Variants in KCNA7 observed in about 807,000 individuals in gnomAD.
KCNA7 encodes potassium voltage-gated channel subfamily A member 7, also known as potassium channel, voltage gated shaker related subfamily A, member 7.
KCNA7 carries 15 observed loss-of-function variants against 21.5 expected under a neutral mutation model. The ratio of observed to expected loss-of-function variants is 0.70; its 90% CI spans 0.47 to 1.07. The LOEUF is 1.07. Among genes scored for constraint, KCNA7 ranks in the 50% least tolerant of loss-of-function variants. The probability of loss-of-function intolerance (pLI) is 0.00; values close to 1 mark genes in which losing one functional copy is unlikely to be tolerated. For missense variants in KCNA7, 640 were observed against 651.6 expected, an observed-to-expected ratio of 0.98 and a Z score of 0.19; for synonymous variants, 298 against 291.0, an observed-to-expected ratio of 1.02 and a Z score of -0.24.
Position 49,072,457 on chromosome 19 carries a change from C to A in KCNA7, c.129G>T (p.Ala43=). ...RFPDTLLGDP[A]RRGRFYDDAR... ...CGTCGTCGTAGAAGCGGCCGCGGCG[C>A]GCTGGGTCCCCTAGCAGAGTGTCCG... is the stretch of plus-strand genomic sequence containing the variant. The change falls in exon 1 of 2, where the codon GCG becomes GCT. Residue 43 remains alanine, a synonymous_variant. Coordinates refer to ENST00000221444, the MANE Select transcript of KCNA7 (RefSeq NM_031886.3). 3 of 1,571,294 alleles carry A rather than the reference C, an allele frequency of 1.9e-6. No homozygotes were observed. Among genetic ancestry groups the A allele is most frequent in the Non-Finnish European group, 2.6e-6 (3 of 1,168,152 alleles).
In KCNA7 at chr19:49,072,148, G is replaced by A. The variant is rs781342550; in HGVS notation, c.438C>T (p.Ala146=). 7.4e-6 allele frequency: 12 copies of A among 1,612,178 alleles called. No individual in the cohort carries two copies. Among genetic ancestry groups the A allele is most frequent in the African/African-American group, 1.3e-5 (1 of 74,912 alleles). ...CGAGGATGACCAGCACGGAGACTAC[G>A]GCGAGCACGCGCGCGGCCTGAGAGC... ...PESSQAARVL[A]VVSVLVILVS... The change falls in exon 1 of 2, where the codon GCC becomes GCT. Residue 146 remains alanine (A), a synonymous_variant. Transcript: ENST00000221444.
rs748837026 is a variant in KCNA7, at chr19:49,070,731, C to T, written c.703G>A (p.Ala235Thr). The change falls in exon 2 of 2, where the codon GCT becomes ACT. Residue 235 changes from alanine (A) to threonine (T), a missense_variant. Physicochemically the swap from Ala to Thr is moderately conservative, Grantham distance 58. Transcript: ENST00000221444. The surrounding 1 kb of genome is among the most constrained non-coding windows in gnomAD (Gnocchi z 4.3). ...TTCATCACGTTCTTGAAGAAGATAG[C>T]CTTGCTTGGACAGACCAGGAGGCGT... Reference protein sequence around the residue: ...LVRLLVCPSKAIFFKNVMNLI... With the variant: ...LVRLLVCPSKTIFFKNVMNLI... 2.5e-6 allele frequency: 4 copies of T among 1,614,032 alleles called. No individual in the cohort carries two copies. In the African/African-American group the frequency reaches 5.3e-5, roughly 22 times the overall value.
At position 49,070,704 on chromosome 19, in the gene KCNA7, G is replaced by T; in HGVS notation, c.730C>A (p.Leu244Ile). The change falls in exon 2 of 2, where the codon CTC (leucine) becomes ATC (isoleucine). Residue 244 changes from leucine to isoleucine, a missense_variant. Transcript: ENST00000221444. This position sits in a 1 kb window ranked among gnomAD's most constrained non-coding sequence, Gnocchi z 4.3. ...KAIFFKNVMN[L>I]IDFVAILPYF... The stretch of plus-strand genomic sequence containing the variant: ...GGAAGGATAGCCACAAAATCGATGA[G>T]GTTCATCACGTTCTTGAAGAAGATA... 1 of 1,614,192 alleles carries T rather than the reference G, an allele frequency of 6.2e-7. No individual in the cohort carries two copies.
chr19:49,070,785 T>A lies in KCNA7; in HGVS notation c.649A>T (p.Ile217Phe), dbSNP rs2040251745. 3.1e-6 allele frequency: 5 copies of A among 1,613,930 alleles called. No homozygotes were observed. The East Asian group carries it at 1.1e-4, about 36-fold the overall frequency. Residue 217 changes from isoleucine to phenylalanine, a missense_variant, in exon 2 of 2, where the codon ATT becomes TTT. By Grantham distance (21) the Ile-to-Phe change is conservative. Transcript: ENST00000221444. The surrounding 1 kb of genome is among the most constrained non-coding windows in gnomAD (Gnocchi z 4.3). ...AGCAGCTCAAAGGAGAACCAACAAA[T>A]ACACAGCGTCTCCACCACGAAGAAC... ...DPFFVVETLCICWFSFELLVR... is the reference protein window; with the variant it reads ...DPFFVVETLCFCWFSFELLVR...
chr19:49,067,441 AC>A lies in KCNA7; in HGVS notation c.*2621del, dbSNP rs1463503267. On this transcript the variant is annotated 3_prime_UTR_variant, in exon 2 of 2. Transcript: ENST00000221444. ...TTTAATAAATTAACCCAAGTAAAGT[AC>A]TTTGATACCAAAGGAAGCCCTATAT... The A allele has an allele frequency of 2.0e-5, 3 of 152,212 alleles. No individual in the cohort carries two copies. Among genetic ancestry groups the A allele is most frequent in the Admixed American group, 6.5e-5 (1 of 15,284 alleles). 9.4% of individuals were successfully genotyped at this position (152,212 alleles called of 1,614,324 possible).
chr19:49,071,168 C>A lies in KCNA7; in HGVS notation c.556-290G>T, dbSNP rs545176979. Among the ~76,000 whole-genome samples, 6 of 152,222 alleles carry A rather than the reference C, an allele frequency of 3.9e-5. No homozygotes were observed. The East Asian group carries it at 9.7e-4, about 25-fold the overall frequency. ...GGTGCAACCTCTTCTCTCTCAAAGT[C>A]CCGCCTCCAGTGTTGATTTTCTAGA... On this transcript the variant is annotated intron_variant, in intron 1 of 1. Transcript: ENST00000221444.
rs1260785406 is a variant in KCNA7, at chr19:49,069,727, A to G, written c.*336T>C. ...GACTCACAACCCAACCAAACCCAAC[A>G]CTGACCTAGGAAACTCACAAAATGA... On this transcript the variant is annotated 3_prime_UTR_variant, in exon 2 of 2. Coordinates refer to ENST00000221444, the MANE Select transcript of KCNA7 (RefSeq NM_031886.3). 3.7e-6 allele frequency: 1 copy of G among 273,438 alleles called. No individual in the cohort carries two copies. Among genetic ancestry groups the G allele is most frequent in the Non-Finnish European group, 7.0e-6 (1 of 143,588 alleles). 16.9% of individuals were successfully genotyped at this position (273,438 alleles called of 1,614,324 possible).
At chr19:49,071,931 C>A in intron 1 of KCNA7, 100 bp downstream of exon 1, 2 of 1,153,826 alleles carry the variant, frequency 1.7e-6, no homozygotes, top group Non-Finnish European at 1.2e-6. Flanking sequence ...GCCCACCCCT[C>A]GCAGCCCCTG....
At position 49,072,014 on chromosome 19, in the gene KCNA7, C is replaced by T. The variant is rs910062669; in HGVS notation, c.555+17G>A. On this transcript the variant is annotated intron_variant, in intron 1 of 1. Transcript: ENST00000221444. ...CTCCCAAACCCCGCCCGTCTCCACC[C>T]ACGCCCCGCCTCTCACCGGGCCGGC... The T allele has an allele frequency of 2.5e-6, 4 of 1,572,306 alleles. No homozygotes were observed. Among genetic ancestry groups the T allele is most frequent in the African/African-American group, 2.7e-5 (2 of 73,634 alleles).
rs936419590 is a variant in KCNA7 at position 49,069,077 on chromosome 19, C to T, written c.*986G>A. On this transcript the variant is annotated 3_prime_UTR_variant, in exon 2 of 2. Coordinates refer to ENST00000221444, the MANE Select transcript of KCNA7 (RefSeq NM_031886.3). Reference sequence around the variant, plus strand: ...AGCTCGGCACACCTCCCAGAGCCCTCGCCACTGCATGCTCCCAGATACATG... The same window carrying T: ...AGCTCGGCACACCTCCCAGAGCCCTTGCCACTGCATGCTCCCAGATACATG... 1 of 152,296 alleles carries T rather than the reference C, an allele frequency of 6.6e-6. No homozygotes were observed. Among genetic ancestry groups the T allele is most frequent in the Non-Finnish European group, 1.5e-5 (1 of 68,064 alleles). The allele number at this position is 152,296 out of a possible 1,614,324, so 9.4% of individuals were successfully genotyped here.
At position 49,072,454 on chromosome 19, in the gene KCNA7, G is replaced by A. The variant is rs964641770; in HGVS notation, c.132C>T (p.Arg44=). The A allele has an allele frequency of 6.4e-6, 10 of 1,571,842 alleles. No homozygotes were observed. The highest frequency in any genetic ancestry group is 8.6e-6 in the Non-Finnish European group (10 of 1,168,434). Residue 44 remains arginine (R), a synonymous_variant, in exon 1 of 2, where the codon CGC becomes CGT. Coordinates refer to ENST00000221444, the MANE Select transcript of KCNA7 (RefSeq NM_031886.3). ...FPDTLLGDPA[R]RGRFYDDARR... is the part of the protein sequence containing the mutation. ...GCGCGTCGTCGTAGAAGCGGCCGCG[G>A]CGCGCTGGGTCCCCTAGCAGAGTGT...
chr19:49,067,592 G>A lies in KCNA7; in HGVS notation c.*2471C>T, dbSNP rs2040225833. The stretch of plus-strand genomic sequence containing the variant: ...TGAGCCTCAGTTTCCCCGTCTGTAA[G>A]AAATGAGGCTACGGGACTCAGGAGG... On this transcript the variant is annotated 3_prime_UTR_variant, in exon 2 of 2. Transcript: ENST00000221444. 6.6e-6 allele frequency: 1 copy of A among 152,226 alleles called. No homozygotes were observed. Among genetic ancestry groups the A allele is most frequent in the South Asian group, 2.1e-4 (1 of 4,834 alleles). 9.4% of individuals were successfully genotyped at this position (152,226 alleles called of 1,614,324 possible).
Position 49,069,905 on chromosome 19 carries a change from C to T in KCNA7, c.*158G>A. On this transcript the variant is annotated 3_prime_UTR_variant, in exon 2 of 2. Transcript: ENST00000221444. ...GGTACCCACAGGAGCTACCAAACCA[C>T]ACAACCCAAGACCCAACAAGACTCA... The T allele has an allele frequency of 3.2e-6, 2 of 620,002 alleles. No homozygotes were observed. Among genetic ancestry groups the T allele is most frequent in the South Asian group, 2.0e-5 (1 of 49,568 alleles). 38.4% of individuals were successfully genotyped at this position (620,002 alleles called of 1,614,324 possible).
rs912372117 is a variant in KCNA7, at chr19:49,068,660, C to A, written c.*1403G>T. 6.6e-6 allele frequency: 1 copy of A among 152,414 alleles called. No individual in the cohort carries two copies. The highest frequency in any genetic ancestry group is 1.5e-5 in the Non-Finnish European group (1 of 68,240). The allele number at this position is 152,414 out of a possible 1,614,324, so 9.4% of individuals were successfully genotyped here. On this transcript the variant is annotated 3_prime_UTR_variant, in exon 2 of 2. Transcript: ENST00000221444. ...TGTCTCCCCACTCTGGATTTCTGTT[C>A]CTCTCTTCTGCGTCTCTGCCATACC...
In KCNA7 at chr19:49,067,810, G is replaced by A. The variant is rs577599042; in HGVS notation, c.*2253C>T. On this transcript the variant is annotated 3_prime_UTR_variant, in exon 2 of 2. Coordinates refer to ENST00000221444, the MANE Select transcript of KCNA7 (RefSeq NM_031886.3). ...GAGCTGCAGGGAGGGTAGGTGACAGGCCTGGTTCAGGATTGTTCTGTGATT... is the reference window on the plus strand; with the variant it reads ...GAGCTGCAGGGAGGGTAGGTGACAGACCTGGTTCAGGATTGTTCTGTGATT... The A allele has an allele frequency of 2.0e-5, 3 of 152,368 alleles. No individual in the cohort carries two copies. The highest frequency in any genetic ancestry group is 1.9e-4 in the East Asian group (1 of 5,188). 9.4% of individuals were successfully genotyped at this position (152,368 alleles called of 1,614,324 possible).
In KCNA7 at chr19:49,072,124, G is replaced by T. The variant is rs373588713; in HGVS notation, c.462C>A (p.Leu154=). Residue 154 remains leucine, a synonymous_variant, in exon 1 of 2, where the codon CTC becomes CTA. Transcript: ENST00000221444. ...VLAVVSVLVI[L]VSIVVFCLET... is the part of the protein sequence containing the mutation. ...CGAGGCAGAAGACGACGATGGAGAC[G>T]AGGATGACCAGCACGGAGACTACGG... 29 of 1,612,354 alleles carry T rather than the reference G, an allele frequency of 1.8e-5. No homozygotes were observed. The highest frequency in any genetic ancestry group is 1.6e-4 in the Middle Eastern group (1 of 6,084).
At position 49,067,910 on chromosome 19, in the gene KCNA7, T is replaced by TCTTTC. The variant is rs1555734361; in HGVS notation, c.*2152_*2153insGAAAG. ...TCTGGCTTTTTCTTTTCTTTTCTTT[T>TCTTTC]TTTTTTTGAGACAGAGTGTTGCTCT... On this transcript the variant is annotated 3_prime_UTR_variant, in exon 2 of 2. Coordinates refer to ENST00000221444, the MANE Select transcript of KCNA7 (RefSeq NM_031886.3). 1 of 146,830 alleles carries TCTTTC rather than the reference T, an allele frequency of 6.8e-6. No individual in the cohort carries two copies. Among genetic ancestry groups the TCTTTC allele is most frequent in the African/African-American group, 2.5e-5 (1 of 39,334 alleles). The allele number at this position is 146,830 out of a possible 1,614,324, so 9.1% of individuals were successfully genotyped here.
In KCNA7 at chr19:49,069,336, ACAACT is replaced by A. The variant is rs2040240138; in HGVS notation, c.*722_*726del. 1 of 152,234 alleles carries A rather than the reference ACAACT, an allele frequency of 6.6e-6. No homozygotes were observed. The highest frequency in any genetic ancestry group is 6.5e-5 in the Admixed American group (1 of 15,268). The allele number at this position is 152,234 out of a possible 1,614,324, so 9.4% of individuals were successfully genotyped here. A position where few individuals can be genotyped will look rare whatever the true frequency, so the allele number is the denominator to read the frequency against. On this transcript the variant is annotated 3_prime_UTR_variant, in exon 2 of 2. Coordinates refer to ENST00000221444, the MANE Select transcript of KCNA7 (RefSeq NM_031886.3). ...GGCTCATATGGTTGTACAATTCAAC[ACAACT>A]CAACTCGCTGTGGCCACGAAAAATG...
In KCNA7 at chr19:49,070,043, C is replaced by G. The variant is rs376020507; in HGVS notation, c.*20G>C. The G allele has an allele frequency of 1.5e-5, 23 of 1,567,404 alleles. No individual in the cohort carries two copies. The highest frequency in any genetic ancestry group is 1.8e-5 in the Non-Finnish European group (21 of 1,148,524). On this transcript the variant is annotated 3_prime_UTR_variant, in exon 2 of 2. Coordinates refer to ENST00000221444, the MANE Select transcript of KCNA7 (RefSeq NM_031886.3). This position sits in a 1 kb window ranked among gnomAD's most constrained non-coding sequence, Gnocchi z 4.3. ...CCTCCCTCTAGGGAGGTGTGAGGTC[C>G]TGCAGACCTCAACTGTTCCTCACAC... is the stretch of plus-strand genomic sequence containing the variant.
Sources: gnomAD v4.1 joint callset for allele counts (sites outside exome capture counted in the v4.1 genomes callset) on GRCh38, gnomAD v4.1.1 for gene constraint, Gnocchi (gnomAD v3.1) non-coding constraint, MANE v1.5 for transcripts, NCBI Gene and HGNC (gene_info 2026-07-23, HGNC 2026-07-21) for gene names.